Variants in SLC29A3 observed in about 807,000 individuals in gnomAD.
SLC29A3 encodes the protein equilibrative nucleoside transporter 3.
In SLC29A3, 18 loss-of-function variants were observed where a neutral mutation model predicts 25.4. That is an observed-to-expected ratio of 0.71 (90% CI 0.49 to 1.05). SLC29A3 has a LOEUF of 1.05. Among genes scored for constraint, SLC29A3 ranks in the 50% least tolerant of loss-of-function variants. The probability of loss-of-function intolerance (pLI) is 0.00; values close to 1 mark genes in which losing one functional copy is unlikely to be tolerated. For synonymous variants in SLC29A3, 258 were observed against 267.1 expected, an observed-to-expected ratio of 0.97 and a Z score of 0.33; for missense variants, 586 against 609.0, an observed-to-expected ratio of 0.96 and a Z score of 0.40.
At chr10:71,348,867 G>T (rs1454768915) in intron 3 of SLC29A3, among the ~76,000 whole-genome samples, 1 of 152,204 alleles carries the variant, frequency 6.6e-6, no homozygotes, top group Non-Finnish European at 1.5e-5. Context: ...AGGTGGGAGA[G>T]TATGGAATGG....
At chr10:71,349,959 A>T (rs57432530) in intron 3 of SLC29A3, among the ~76,000 whole-genome samples, 2 of 152,144 alleles carry the variant, frequency 1.3e-5, no homozygotes, top group Admixed American at 6.5e-5. Flanking sequence ...GTGAGATGAC[A>T]TATCTGTTGC....
chr10:71,374,457 G>A (rs753930829), intron 3 of SLC29A3, among the ~76,000 whole-genome samples: 1 of 152,228 alleles, frequency 6.6e-6, no homozygotes, highest in Non-Finnish European at 1.5e-5. Context: ...ATGGTAAGAA[G>A]ATAGAGCTCC....
chr10:71,321,082 C>T (rs1845836769), intron 1 of SLC29A3, among the ~76,000 whole-genome samples: 1 of 152,192 alleles, frequency 6.6e-6, no homozygotes, highest in Non-Finnish European at 1.5e-5. Flanking sequence ...TGTTGTCAGC[C>T]TCAAGTGTGA....
chr10:71,373,179 C>T (rs532446897), intron 3 of SLC29A3, among the ~76,000 whole-genome samples: 1 of 152,290 alleles, frequency 6.6e-6, no homozygotes, highest in Admixed American at 6.5e-5. Flanking sequence ...GAGCCATTAC[C>T]AACCAGCAAC....
At chr10:71,338,321 TTTTTC>T (rs1342236420) in intron 2 of SLC29A3, among the ~76,000 whole-genome samples, 1 of 152,218 alleles carries the variant, frequency 6.6e-6, no homozygotes, top group Non-Finnish European at 1.5e-5. Context: ...TCTCTTAATC[TTTTTC>T]TTTTCTTTTC....
At position 71,361,980 on chromosome 10, in the gene SLC29A3, C is replaced by A. The variant is rs757102651; in HGVS notation, c.800C>A (p.Ala267Asp). The change falls in exon 6 of 6, where the codon GCC (alanine) becomes GAC (aspartate). Residue 267 changes from alanine to aspartate, a missense_variant. Coordinates refer to ENST00000373189, the MANE Select transcript of SLC29A3 (RefSeq NM_018344.6). ...ARYYMRPVLAAHVFSGEEELP... is the reference protein window; with the variant it reads ...ARYYMRPVLADHVFSGEEELP... ...TACTACATGAGGCCTGTTCTTGCGG[C>A]CCATGTGTTTTCTGGTGAAGAGGAG... 56 of 1,613,990 alleles carry A rather than the reference C, an allele frequency of 3.5e-5. No individual in the cohort carries two copies. The highest frequency in any genetic ancestry group is 4.4e-5 in the Non-Finnish European group (52 of 1,180,028).
At chr10:71,377,139 C>G (rs748674647) in intron 4 of SLC29A3, among the ~76,000 whole-genome samples, 45 of 152,126 alleles carry the variant, frequency 3.0e-4, no homozygotes, top group Non-Finnish European at 5.7e-4. Context: ...GGATAGGTCC[C>G]GAAGTGCTCA....
chr10:71,366,846 G>A (rs900361460), downstream of SLC29A3, among the ~76,000 whole-genome samples: 4 of 152,208 alleles, frequency 2.6e-5, no homozygotes, highest in Non-Finnish European at 4.4e-5. Context: ...GGCTTTCTGA[G>A]TGGGAGTACC....
At chr10:71,332,683 T>G (rs1204334277) in intron 2 of SLC29A3, among the ~76,000 whole-genome samples, 1 of 152,196 alleles carries the variant, frequency 6.6e-6, no homozygotes, top group African/African-American at 2.4e-5. Context: ...CTACACCATT[T>G]TTAAAAATTA....
chr10:71,335,670 G>A (rs773528686), intron 2 of SLC29A3, among the ~76,000 whole-genome samples: 4 of 152,168 alleles, frequency 2.6e-5, no homozygotes, highest in Admixed American at 2.0e-4. Context: ...TTGAAGAGGG[G>A]CTGAGAAAAG....
chr10:71,328,102 G>C (rs546459068), intron 2 of SLC29A3, among the ~76,000 whole-genome samples: 7 of 152,180 alleles, frequency 4.6e-5, no homozygotes, highest in African/African-American at 1.7e-4. Context: ...CTTCCTTCCT[G>C]TGTACCTCGG....
intron 4 of SLC29A3, among the ~76,000 whole-genome samples, chr10:71,377,134 G>A (rs566314212): frequency 6.6e-6 from 1 of 152,308 alleles, no homozygotes; most frequent in South Asian, 2.1e-4. Context: ...CTGAGGGATA[G>A]GTCCCGAAGT....
At chr10:71,331,344 T>C (rs1375919892) in intron 2 of SLC29A3, among the ~76,000 whole-genome samples, 1 of 152,172 alleles carries the variant, frequency 6.6e-6, no homozygotes, top group African/African-American at 2.4e-5. Context: ...GGAATTTTGC[T>C]TTAAATGGGA....
intron 2 of SLC29A3, among the ~76,000 whole-genome samples, chr10:71,339,698 C>G (rs1846346026): frequency 6.6e-6 from 1 of 152,142 alleles, no homozygotes; most frequent in Non-Finnish European, 1.5e-5. Context: ...GGTGGGGAAG[C>G]ATCCCTTCAT....
At chr10:71,324,481 G>A (rs1051342104) in intron 2 of SLC29A3, among the ~76,000 whole-genome samples, 3 of 152,020 alleles carry the variant, frequency 2.0e-5, no homozygotes, top group Non-Finnish European at 4.4e-5. Flanking sequence ...GTGAGATAAG[G>A]GAATATTCTG....
chr10:71,368,107 A>G (rs967447197), downstream of SLC29A3, among the ~76,000 whole-genome samples: 2 of 152,086 alleles, frequency 1.3e-5, no homozygotes, highest in Non-Finnish European at 2.9e-5. Flanking sequence ...GTACATGCCT[A>G]TAGTCCCAGC....
At chr10:71,374,840 C>T (rs1847238349) in intron 3 of SLC29A3, among the ~76,000 whole-genome samples, 2 of 152,194 alleles carry the variant, frequency 1.3e-5, no homozygotes, top group Middle Eastern at 3.2e-3. Flanking sequence ...TTTGACAGTG[C>T]AGAGACTGGT....
intron 5 of SLC29A3, among the ~76,000 whole-genome samples, chr10:71,360,056 G>C (rs1002318330): frequency 6.6e-6 from 1 of 151,138 alleles, no homozygotes; most frequent in Non-Finnish European, 1.5e-5. Flanking sequence ...GTTATGTGTT[G>C]AAGGGCTACT....
In SLC29A3 at chr10:71,351,736, C is replaced by G; in HGVS notation, c.558C>G (p.Ile186Met). Residue 186 changes from isoleucine (I) to methionine (M), a missense_variant, in exon 4 of 6, where the codon ATC (isoleucine) becomes ATG (methionine). By Grantham distance (10) the Ile-to-Met change is conservative (BLOSUM62 1). Transcript: ENST00000373189. Reference sequence around the variant, plus strand: ...CCTCCACTGTCTTCAGCAGCAGCATCTACGGCATGACCGGCTCCTTTCCTA... The same window carrying G: ...CCTCCACTGTCTTCAGCAGCAGCATGTACGGCATGACCGGCTCCTTTCCTA... ...SGASTVFSSS[I>M]YGMTGSFPMR... The G allele has an allele frequency of 6.2e-7, 1 of 1,614,182 alleles. No homozygotes were observed. Among genetic ancestry groups the G allele is most frequent in the African/African-American group, 1.3e-5 (1 of 75,062 alleles).
Sources: allele counts gnomAD v4.1 joint callset (sites outside exome capture counted in the v4.1 genomes callset), GRCh38; gene constraint gnomAD v4.1.1; transcripts MANE v1.5; gene names NCBI Gene and HGNC (gene_info 2026-07-23, HGNC 2026-07-21).